Variants in AKT3 observed in about 807,000 individuals in gnomAD.
AKT3 encodes the protein RAC-gamma serine/threonine-protein kinase.
Under a neutral mutation model 65.3 loss-of-function variants are expected in AKT3, and 15 were observed. The ratio of observed to expected loss-of-function variants is 0.23; its 90% CI spans 0.15 to 0.35. The LOEUF is 0.35. Among genes scored for constraint, AKT3 ranks in the 10% least tolerant of loss-of-function variants. The pLI is 1.00. For missense variants in AKT3, 243 were observed against 576.5 expected, an observed-to-expected ratio of 0.42 and a Z score of 5.92; for synonymous variants, 206 against 183.8, an observed-to-expected ratio of 1.12 and a Z score of -0.98.
At chr1:243,565,380 T>C (rs1046197985) in intron 9 of AKT3, among the ~76,000 whole-genome samples, 3 of 152,188 alleles carry the variant, frequency 2.0e-5, no homozygotes, top group East Asian at 1.9e-4. Context: ...CGTGCCACCA[T>C]GCCTGGCTAA....
chr1:243,817,691 G>C (rs1408985754), intron 2 of AKT3, among the ~76,000 whole-genome samples: 2 of 152,226 alleles, frequency 1.3e-5, no homozygotes. Context: ...AGTGAGCCAA[G>C]ATCGTGCCAC....
Position 243,849,033 on chromosome 1 carries a change from T to C in AKT3, c.-113+1007A>G, listed in dbSNP as rs183025220. On this transcript the variant is annotated intron_variant, in intron 1 of 13. Transcript: ENST00000673466. The stretch of plus-strand genomic sequence containing the variant: ...AAAACCTGGCCCCAACGAGATTCTT[T>C]ATCTCTAGGCTAACTGTAGATTCCC... Among the ~76,000 whole-genome samples the C allele has an allele frequency of 5.3e-5, 8 of 152,336 alleles. 1 individual carries two copies. The East Asian group carries it at 1.5e-3, about 29-fold the overall frequency.
At position 243,505,077 on chromosome 1, in the gene AKT3, C is replaced by T. The variant is rs746726491; in HGVS notation, c.*172G>A. 1.2e-5 allele frequency: 7 copies of T among 586,492 alleles called. No homozygotes were observed. The highest frequency in any genetic ancestry group is 1.1e-4 in the East Asian group (4 of 35,452). 36.3% of individuals were successfully genotyped at this position (586,492 alleles called of 1,614,324 possible). A position where few individuals can be genotyped will look rare whatever the true frequency, so the allele number is the denominator to read the frequency against. ...AAAAACAAAAACTGGAGTGTATTTG[C>T]GTGTATGTGTGTTTTCATGAGGGTG... On this transcript the variant is annotated 3_prime_UTR_variant, in exon 14 of 14. Transcript: ENST00000673466.
chr1:243,770,701 T>TCA (rs1690124728), intron 2 of AKT3, among the ~76,000 whole-genome samples: 1 of 150,164 alleles, frequency 6.7e-6, no homozygotes, highest in South Asian at 2.1e-4. Context: ...AGATACCTAG[T>TCA]CACACTTTTA....
chr1:243,774,408 C>T (rs1489884242), intron 2 of AKT3, among the ~76,000 whole-genome samples: 1 of 152,100 alleles, frequency 6.6e-6, no homozygotes, highest in Non-Finnish European at 1.5e-5. Flanking sequence ...GGGCACAGAT[C>T]ATTTTTCTTG....
At chr1:243,544,274 G>A (rs1409686312) in intron 12 of AKT3, among the ~76,000 whole-genome samples, 4 of 147,618 alleles carry the variant, frequency 2.7e-5, no homozygotes, top group African/African-American at 7.4e-5. Context: ...AGCAGGGGGA[G>A]GGGGGGACAG....
intron 2 of AKT3, among the ~76,000 whole-genome samples, chr1:243,808,478 G>GA (rs1360300820): frequency 6.6e-6 from 1 of 152,174 alleles, no homozygotes; most frequent in Middle Eastern, 3.4e-3. Flanking sequence ...GAAGTTTAGA[G>GA]AAAAAAGAAT....
At chr1:243,603,814 T>G (rs908298064) in intron 8 of AKT3, among the ~76,000 whole-genome samples, 3 of 152,206 alleles carry the variant, frequency 2.0e-5, no homozygotes, top group African/African-American at 7.2e-5. Context: ...CTCTGCATAT[T>G]TATTCATTAA....
At chr1:243,534,371 A>G (rs1442578411) in intron 12 of AKT3, among the ~76,000 whole-genome samples, 3 of 152,242 alleles carry the variant, frequency 2.0e-5, no homozygotes, top group Admixed American at 2.0e-4. Context: ...CAGAATCAAA[A>G]TACGTGAGGC....
At chr1:243,755,570 C>G (rs1274926233) in intron 2 of AKT3, among the ~76,000 whole-genome samples, 1 of 152,142 alleles carries the variant, frequency 6.6e-6, no homozygotes, top group Non-Finnish European at 1.5e-5. Context: ...TCATGTTAAT[C>G]ATGTTCTCTA....
At chr1:243,625,804 G>T (rs1011888897) in intron 6 of AKT3, among the ~76,000 whole-genome samples, 6 of 152,196 alleles carry the variant, frequency 3.9e-5, no homozygotes, top group African/African-American at 1.4e-4. Flanking sequence ...GAAGAAGTCT[G>T]CTTGGGGTTG....
Position 243,664,820 on chromosome 1 carries a change from C to A in AKT3, c.236G>T (p.Trp79Leu). 1 of 1,591,486 alleles carries A rather than the reference C, an allele frequency of 6.3e-7. No individual in the cohort carries two copies. Among genetic ancestry groups the A allele is most frequent in the Non-Finnish European group, 8.5e-7 (1 of 1,170,894 alleles). ...AAATGTTCTCTCTATAACAGTAGTC[C>A]ACTGGAGACATCTGATTATAAATGT... is the stretch of plus-strand genomic sequence containing the variant. ...PNTFIIRCLQWTTVIERTFHV... is the reference protein window; with the variant it reads ...PNTFIIRCLQLTTVIERTFHV... The change falls in exon 4 of 14, where the codon TGG (tryptophan) becomes TTG (leucine). Residue 79 changes from tryptophan to leucine, a missense_variant. By Grantham distance (61) the Trp-to-Leu change is moderately conservative. This residue lies in a region of AKT3 where 72 missense variants were observed against 86.0 expected (regional missense o/e 0.84). Transcript: ENST00000673466.
chr1:243,567,083 C>T (rs1674211026), intron 9 of AKT3, among the ~76,000 whole-genome samples: 2 of 152,124 alleles, frequency 1.3e-5, no homozygotes, highest in South Asian at 4.2e-4. Flanking sequence ...AGTTCAAGAC[C>T]AGCCTGGGCA....
chr1:243,773,309 C>A (rs1296432845), intron 2 of AKT3, among the ~76,000 whole-genome samples: 8 of 151,506 alleles, frequency 5.3e-5, no homozygotes, highest in Admixed American at 3.9e-4. Flanking sequence ...GTCATGTTCA[C>A]CGAGTATGAG....
intron 12 of AKT3, among the ~76,000 whole-genome samples, chr1:243,526,193 A>T (rs931062497): frequency 1.3e-5 from 2 of 152,144 alleles, no homozygotes; most frequent in African/African-American, 2.4e-5. Flanking sequence ...GATGCAAGCA[A>T]AGCCAGGAGA....
At chr1:243,655,943 C>A (rs1033874416) in intron 4 of AKT3, among the ~76,000 whole-genome samples, 1 of 152,136 alleles carries the variant, frequency 6.6e-6, no homozygotes, top group Non-Finnish European at 1.5e-5. Flanking sequence ...TAAATCTTAG[C>A]CTTATCAGCT....
At chr1:243,618,286 T>C (rs187071547) in intron 6 of AKT3, among the ~76,000 whole-genome samples, 1 of 152,256 alleles carries the variant, frequency 6.6e-6, no homozygotes, top group Admixed American at 6.5e-5. Context: ...ACCATGTACA[T>C]ACCAAAATGT....
intron 3 of AKT3, among the ~76,000 whole-genome samples, chr1:243,685,454 G>C (rs527701775): frequency 6.6e-6 from 1 of 152,070 alleles, no homozygotes; most frequent in African/African-American, 2.4e-5. Context: ...CCCATTGCTT[G>C]TTTTTGTCAG....
intron 8 of AKT3, among the ~76,000 whole-genome samples, chr1:243,593,097 C>G (rs1190762407): frequency 6.6e-6 from 1 of 152,140 alleles, no homozygotes; most frequent in Admixed American, 6.5e-5. Context: ...AATTCCACCA[C>G]CCCTTTAAAG....
Sources: allele counts gnomAD v4.1 joint callset (sites outside exome capture counted in the v4.1 genomes callset), GRCh38; gene constraint gnomAD v4.1.1; regional missense constraint gnomAD v4.1.1; transcripts MANE v1.5; gene names NCBI Gene and HGNC (gene_info 2026-07-23, HGNC 2026-07-21).